The following ROBO1 variants were observed in gnomAD, a reference collection of about 807,000 sequenced individuals.
ROBO1 encodes roundabout homolog 1.
ROBO1 carries 149 observed loss-of-function variants against 195.9 expected under a neutral mutation model. The observed-to-expected ratio is 0.76, with a 90% CI of 0.67 to 0.87. The LOEUF (loss-of-function observed/expected upper bound fraction) is 0.87, where lower values mean the gene tolerates loss of function less well. ROBO1 is among the 40% of genes least tolerant of loss of function. The probability of loss-of-function intolerance (pLI) is 0.00; values close to 1 mark genes in which losing one functional copy is unlikely to be tolerated. For missense variants in ROBO1, 1,933 were observed against 2,068.3 expected, an observed-to-expected ratio of 0.93 and a Z score of 1.27; for synonymous variants, 816 against 733.2, an observed-to-expected ratio of 1.11 and a Z score of -1.82.
chr3:78,919,840 T>C (rs2038838846), intron 4 of ROBO1, among the ~76,000 whole-genome samples: 1 of 152,236 alleles, frequency 6.6e-6, no homozygotes, highest in Non-Finnish European at 1.5e-5. Context: ...ATTGGAGGAA[T>C]CCATTTTTTA....
intron 4 of ROBO1, among the ~76,000 whole-genome samples, chr3:78,817,762 A>C (rs977124671): frequency 2.0e-5 from 3 of 152,182 alleles, no homozygotes; most frequent in Non-Finnish European, 4.4e-5. Flanking sequence ...GAGCTAGTTA[A>C]AGTTGCCAAG....
At chr3:78,749,161 C>T (rs1394371173) in intron 4 of ROBO1, among the ~76,000 whole-genome samples, 1 of 152,096 alleles carries the variant, frequency 6.6e-6, no homozygotes, top group African/African-American at 2.4e-5. Context: ...ATGATAACAT[C>T]TCTGAAAAGG....
chr3:78,781,981 C>T (rs533272060), intron 4 of ROBO1, among the ~76,000 whole-genome samples: 2 of 152,160 alleles, frequency 1.3e-5, no homozygotes, highest in Non-Finnish European at 1.5e-5. Context: ...TAAAAAGCAG[C>T]TCATTATCTT....
intron 2 of ROBO1, among the ~76,000 whole-genome samples, chr3:79,562,319 T>A (rs2107714349): frequency 6.6e-6 from 1 of 152,012 alleles, no homozygotes; most frequent in East Asian, 1.9e-4. Context: ...AATGAAATAG[T>A]AAAATAGTAA....
chr3:79,688,760 A>T (rs1560102574), intron 1 of ROBO1, among the ~76,000 whole-genome samples: 1 of 152,034 alleles, frequency 6.6e-6, no homozygotes. Flanking sequence ...TTATTAAAAA[A>T]AATTCTCCCA....
intron 2 of ROBO1, among the ~76,000 whole-genome samples, chr3:79,141,201 C>T (rs903162561): frequency 1.1e-4 from 17 of 152,026 alleles, no homozygotes; most frequent in Non-Finnish European, 4.4e-5. Context: ...GGGCCCAGAT[C>T]ATGTGACGAC....
chr3:78,730,360 C>T (rs2082260065), intron 5 of ROBO1, among the ~76,000 whole-genome samples: 2 of 70,794 alleles, frequency 2.8e-5, no homozygotes, highest in Non-Finnish European at 9.3e-5. Flanking sequence ...GTAGAAGACT[C>T]ATAACCATGG....
chr3:79,327,960 A>G (rs938339530), intron 2 of ROBO1, among the ~76,000 whole-genome samples: 21 of 152,198 alleles, frequency 1.4e-4, no homozygotes, highest in African/African-American at 5.1e-4. Context: ...CCTATATAAT[A>G]CATTAGACAT....
At chr3:79,387,642 A>G (rs1019866902) in intron 2 of ROBO1, among the ~76,000 whole-genome samples, 46 of 152,146 alleles carry the variant, frequency 3.0e-4, no homozygotes, top group African/African-American at 8.4e-4. Context: ...GTGCAAGGAT[A>G]CATTTACATA....
intron 2 of ROBO1, among the ~76,000 whole-genome samples, chr3:79,566,953 T>A (rs1355378688): frequency 6.6e-6 from 1 of 152,004 alleles, no homozygotes; most frequent in Non-Finnish European, 1.5e-5. Context: ...CACATGCACG[T>A]GTATGTTCAG....
chr3:79,328,798 C>A lies in ROBO1; in HGVS notation c.89-203259G>T, dbSNP rs570021484. Among the ~76,000 whole-genome samples the A allele has an allele frequency of 9.9e-5, 15 of 152,070 alleles. No individual in the cohort carries two copies. In the South Asian group the frequency reaches 2.7e-3, roughly 27 times the overall value. On this transcript the variant is annotated intron_variant, in intron 2 of 30. Coordinates refer to ENST00000464233, the MANE Select transcript of ROBO1 (RefSeq NM_002941.4). ...TCTCCCACCTTTCCCCCGTCACCCC[C>A]CTCCCATCTTTCACCCAGAATTCCC... is the stretch of plus-strand genomic sequence containing the variant.
At chr3:79,020,399 T>G (rs925984274) in intron 3 of ROBO1, among the ~76,000 whole-genome samples, 3 of 152,210 alleles carry the variant, frequency 2.0e-5, no homozygotes, top group Admixed American at 2.0e-4. Flanking sequence ...TTCTTTTAAA[T>G]AGGACACAGT....
intron 18 of ROBO1, 102 bp downstream of exon 18, chr3:78,656,996 A>G: frequency 9.1e-7 from 1 of 1,100,886 alleles, no homozygotes; most frequent in Non-Finnish European, 1.3e-6. Flanking sequence ...TCCATATTCT[A>G]TTAAATTAGC....
At chr3:79,190,241 A>G (rs1371022281) in intron 2 of ROBO1, among the ~76,000 whole-genome samples, 1 of 151,656 alleles carries the variant, frequency 6.6e-6, no homozygotes, top group Non-Finnish European at 1.5e-5. Flanking sequence ...GGCTACAGAA[A>G]TGAGGATCCC....
chr3:79,744,932 A>G (rs186573268), intron 1 of ROBO1, among the ~76,000 whole-genome samples: 6 of 152,070 alleles, frequency 3.9e-5, no homozygotes, highest in Non-Finnish European at 8.8e-5. Context: ...ATAAAAACAT[A>G]TATATATTCT....
At chr3:78,788,440 TAAAAAAA>T (rs35773751) in intron 4 of ROBO1, among the ~76,000 whole-genome samples, 2 of 75,760 alleles carry the variant, frequency 2.6e-5, no homozygotes, top group African/African-American at 1.0e-4. Flanking sequence ...TTTTTTTTTT[TAAAAAAA>T]AAAAAAAAAA....
chr3:79,352,698 G>C (rs1317368398), intron 2 of ROBO1, among the ~76,000 whole-genome samples: 1 of 152,110 alleles, frequency 6.6e-6, no homozygotes, highest in African/African-American at 2.4e-5. Context: ...CAGAAAGCCA[G>C]TGATCTGTTT....
chr3:79,247,268 T>TA (rs1246620717), intron 2 of ROBO1, among the ~76,000 whole-genome samples: 1 of 150,310 alleles, frequency 6.7e-6, no homozygotes, highest in African/African-American at 2.5e-5. Context: ...AAAGTGCACA[T>TA]AATATAAAAT....
At chr3:78,854,158 G>A (rs1185664603) in intron 4 of ROBO1, among the ~76,000 whole-genome samples, 1 of 151,480 alleles carries the variant, frequency 6.6e-6, no homozygotes, top group Non-Finnish European at 1.5e-5. Context: ...CTTAATCTGT[G>A]GGCATGCCCT....
Sources: gnomAD v4.1 joint callset for allele counts (sites outside exome capture counted in the v4.1 genomes callset) on GRCh38, gnomAD v4.1.1 for gene constraint, MANE v1.5 for transcripts, NCBI Gene and HGNC (gene_info 2026-07-23, HGNC 2026-07-21) for gene names.